SPARC: variants seen among roughly 807,000 people sequenced by gnomAD.
SPARC encodes basement-membrane protein 40.
In SPARC, 23 loss-of-function variants were observed where a neutral mutation model predicts 37.7. That is an observed-to-expected ratio of 0.61 (90% confidence interval 0.44 to 0.87). SPARC has a LOEUF of 0.87. SPARC is among the 40% of genes least tolerant of loss of function. The probability of loss-of-function intolerance (pLI) is 0.00; values close to 1 mark genes in which losing one functional copy is unlikely to be tolerated. For synonymous variants in SPARC, 155 were observed against 150.8 expected (o/e 1.03, Z -0.20); for missense variants, 312 against 389.0 (o/e 0.80, Z 1.66).
At chr5:151,668,195 C>A (rs575080452) in intron 6 of SPARC, among the ~76,000 whole-genome samples, 2 of 151,000 alleles carry the variant, frequency 1.3e-5, no homozygotes, top group African/African-American at 4.9e-5. Context: ...CTCTGTTGCC[C>A]AGGCTGGAGT....
intron 8 of SPARC, among the ~76,000 whole-genome samples, chr5:151,664,952 A>G (rs1760589948): frequency 6.6e-6 from 1 of 152,016 alleles, no homozygotes; most frequent in African/African-American, 2.4e-5. Flanking sequence ...GCCCCCAACT[A>G]CTTGTCCCTA....
At position 151,664,219 on chromosome 5, in the gene SPARC, C is replaced by G; in HGVS notation, c.751G>C (p.Glu251Gln). The change falls in exon 9 of 10, where the codon GAG becomes CAG. Residue 251 changes from glutamate to glutamine, a missense_variant. Physicochemically the swap from Glu to Gln is conservative, Grantham distance 29 (BLOSUM62 2). Coordinates refer to ENST00000231061, the MANE Select transcript of SPARC (RefSeq NM_003118.4). Reference sequence around the variant, plus strand: ...AGGGGAGCACGCAGTGGAGCCAGCTCGGTGTGGGAGAGGTACCTGCAGGGA... The same window carrying G: ...AGGGGAGCACGCAGTGGAGCCAGCTGGGTGTGGGAGAGGTACCTGCAGGGA... ...HPIDGYLSHT[E>Q]LAPLRAPLIP... 6.2e-7 allele frequency: 1 copy of G among 1,613,936 alleles called. No individual in the cohort carries two copies. The highest frequency in any genetic ancestry group is 8.5e-7 in the Non-Finnish European group (1 of 1,179,994).
intron 1 of SPARC, among the ~76,000 whole-genome samples, chr5:151,680,825 T>G (rs1019390850): frequency 6.6e-6 from 1 of 152,138 alleles, no homozygotes; most frequent in Non-Finnish European, 1.5e-5. Context: ...AATAAAGAGG[T>G]AAGCAATGTT....
At chr5:151,666,302 C>T in intron 8 of SPARC, 59 bp downstream of exon 8, 1 of 1,557,842 alleles carries the variant, frequency 6.4e-7, no homozygotes, top group East Asian at 2.3e-5. Context: ...GGCTTTCTGG[C>T]CATAGCTAGT....
chr5:151,672,957 T>C, intron 4 of SPARC, 172 bp downstream of exon 4: 2 of 622,662 alleles, frequency 3.2e-6, no homozygotes, highest in South Asian at 1.8e-5. Flanking sequence ...CCCAGGGGAC[T>C]GAGTGCCACA....
intron 1 of SPARC, among the ~76,000 whole-genome samples, chr5:151,685,418 T>TCACACA (rs1300799488): frequency 1.6e-4 from 10 of 62,102 alleles, no homozygotes; most frequent in African/African-American, 1.8e-4. Flanking sequence ...TCTCCCTCTC[T>TCACACA]CTCTCACACA....
intron 1 of SPARC, chr5:151,685,380 A>T (rs1441723475): frequency 6.9e-6 from 1 of 145,400 alleles, no homozygotes; most frequent in Non-Finnish European, 1.5e-5. Context: ...AGCTGTGACC[A>T]CCCATATTCA....
intron 1 of SPARC, among the ~76,000 whole-genome samples, chr5:151,682,854 T>C (rs946281615): frequency 6.6e-6 from 1 of 152,224 alleles, no homozygotes; most frequent in Non-Finnish European, 1.5e-5. Context: ...GATCCCCAGA[T>C]GAGAGAAGTT....
intron 5 of SPARC, among the ~76,000 whole-genome samples, chr5:151,671,363 G>A (rs1185881046): frequency 6.6e-6 from 1 of 152,178 alleles, no homozygotes; most frequent in East Asian, 1.9e-4. Flanking sequence ...TGATGGTGCT[G>A]TTTAAAGTCT....
At chr5:151,684,071 G>A (rs1294803218) in intron 1 of SPARC, among the ~76,000 whole-genome samples, 1 of 152,074 alleles carries the variant, frequency 6.6e-6, no homozygotes, top group African/African-American at 2.4e-5. Context: ...TTTCAGCAAG[G>A]AAAGCTGCTC....
chr5:151,677,143 T>A (rs866050443), intron 1 of SPARC: 5 of 152,234 alleles, frequency 3.3e-5, no homozygotes, highest in Middle Eastern at 3.2e-3. Flanking sequence ...CTCTGAGGAT[T>A]CAAAACTAAA....
chr5:151,673,117 G>A lies in SPARC; in HGVS notation c.208+12C>T. ...CAGCTTGGATGTGCCAAGTTACAGG[G>A]AAGGGACATACTTTCCGCCACCACC... On this transcript the variant is annotated intron_variant, in intron 4 of 9. Coordinates refer to ENST00000231061, the MANE Select transcript of SPARC (RefSeq NM_003118.4). 6.2e-7 allele frequency: 1 copy of A among 1,604,690 alleles called. No homozygotes were observed. Among genetic ancestry groups the A allele is most frequent in the South Asian group, 1.1e-5 (1 of 90,882 alleles).
At position 151,673,121 on chromosome 5, in the gene SPARC, G is replaced by A. The variant is rs981027587; in HGVS notation, c.208+8C>T. 1.2e-6 allele frequency: 2 copies of A among 1,607,172 alleles called. No homozygotes were observed. The highest frequency in any genetic ancestry group is 1.3e-5 in the African/African-American group (1 of 74,798). On this transcript the variant is annotated splice_region_variant and intron_variant, in intron 4 of 9. Transcript: ENST00000231061. Reference sequence around the variant, plus strand: ...TTGGATGTGCCAAGTTACAGGGAAGGGACATACTTTCCGCCACCACCTCCT... The same window carrying A: ...TTGGATGTGCCAAGTTACAGGGAAGAGACATACTTTCCGCCACCACCTCCT...
chr5:151,671,193 AG>A (rs1760742422), intron 5 of SPARC, among the ~76,000 whole-genome samples: 1 of 152,226 alleles, frequency 6.6e-6, no homozygotes, highest in Non-Finnish European at 1.5e-5. Flanking sequence ...AGACCTGAAA[AG>A]GTTCGGCAAC....
intron 1 of SPARC, among the ~76,000 whole-genome samples, chr5:151,682,128 C>G (rs1761007328): frequency 6.6e-6 from 1 of 152,160 alleles, no homozygotes; most frequent in African/African-American, 2.4e-5. Context: ...CCCCTTGACT[C>G]CCTGCTTCCA....
chr5:151,677,964 T>C (rs1026882718), intron 1 of SPARC, among the ~76,000 whole-genome samples: 3 of 152,192 alleles, frequency 2.0e-5, no homozygotes, highest in African/African-American at 7.2e-5. Context: ...TGTTCACTTG[T>C]TCCCCAGGCT....
At chr5:151,681,749 C>T (rs147587265) in intron 1 of SPARC, among the ~76,000 whole-genome samples, 8 of 152,206 alleles carry the variant, frequency 5.3e-5, no homozygotes, top group Non-Finnish European at 8.8e-5. Context: ...AAAAATTAGC[C>T]GGGCATGGTG....
chr5:151,663,511 T>G lies in SPARC; in HGVS notation c.*60A>C. ...ACAAACCATCCAAACATTTTAAACA[T>G]TGGGGGAAACACGAAGGGGAGGGTT... On this transcript the variant is annotated 3_prime_UTR_variant, in exon 10 of 10. Coordinates refer to ENST00000231061, the MANE Select transcript of SPARC (RefSeq NM_003118.4). 1 of 1,500,612 alleles carries G rather than the reference T, an allele frequency of 6.7e-7. No individual in the cohort carries two copies. Among genetic ancestry groups the G allele is most frequent in the Non-Finnish European group, 9.3e-7 (1 of 1,077,954 alleles). 93.0% of individuals were successfully genotyped at this position (1,500,612 alleles called of 1,614,324 possible).
At position 151,661,872 on chromosome 5, in the gene SPARC, T is replaced by C. The variant is rs1261189481; in HGVS notation, c.*1699A>G. On this transcript the variant is annotated 3_prime_UTR_variant, in exon 10 of 10. Transcript: ENST00000231061. ...AGTTACATGTGGGTAGTGGCTGCCGTACGGAACAGTACAGCACTAGAATAA... is the reference window on the plus strand; with the variant it reads ...AGTTACATGTGGGTAGTGGCTGCCGCACGGAACAGTACAGCACTAGAATAA... The C allele has an allele frequency of 6.6e-6, 1 of 152,224 alleles. No individual in the cohort carries two copies. Among genetic ancestry groups the C allele is most frequent in the Non-Finnish European group, 1.5e-5 (1 of 68,036 alleles). 9.4% of individuals were successfully genotyped at this position (152,224 alleles called of 1,614,324 possible).
Sources: allele counts gnomAD v4.1 joint callset (sites outside exome capture counted in the v4.1 genomes callset), GRCh38; gene constraint gnomAD v4.1.1; transcripts MANE v1.5; gene names NCBI Gene and HGNC (gene_info 2026-07-23, HGNC 2026-07-21).